The following ABHD18 variants were observed in gnomAD, a reference collection of about 807,000 sequenced individuals.
ABHD18 encodes the protein abhydrolase domain containing 18.
ABHD18 carries 55 observed loss-of-function variants against 65.9 expected under a neutral mutation model. The observed-to-expected ratio is 0.84, with a 90% CI of 0.67 to 1.05. The LOEUF is 1.05. Among genes scored for constraint, ABHD18 ranks in the 50% least tolerant of loss-of-function variants. ABHD18 has a pLI of 0.00. For missense variants in ABHD18, 533 were observed against 558.5 expected (o/e 0.95, Z 0.46); for synonymous variants, 181 against 180.2 (o/e 1.00, Z -0.04).
chr4:127,975,854 C>G (rs538539797), intron 1 of ABHD18, among the ~76,000 whole-genome samples: 196 of 152,084 alleles, frequency 1.3e-3, no homozygotes, highest in African/African-American at 4.6e-3. Flanking sequence ...GAGATGGAAT[C>G]TTGCTCTGTC....
At position 127,989,741 on chromosome 4, in the gene ABHD18, TA is replaced by T; in HGVS notation, c.200del (p.Lys67ArgfsTer3). 6.3e-7 allele frequency: 1 copy of T among 1,589,954 alleles called. No individual in the cohort carries two copies. Among genetic ancestry groups the T allele is most frequent in the African/African-American group, 1.3e-5 (1 of 74,530 alleles). On this transcript the variant is annotated frameshift_variant, in exon 4 of 13. Coordinates refer to ENST00000645843, the MANE Select transcript of ABHD18 (RefSeq NM_001358451.3). LOFTEE classifies it high-confidence loss of function. ...TTTAGATTGAAGAGCAATCAGATTG[TA>T]AGATCTTAGATGGACACTTTGTTTC... ...IDKIEEQSDC[K>X]ILDGHFVSPM...
At chr4:127,986,693 C>T (rs1750020910) in intron 3 of ABHD18, among the ~76,000 whole-genome samples, 1 of 152,126 alleles carries the variant, frequency 6.6e-6, no homozygotes, top group South Asian at 2.1e-4. Flanking sequence ...AGTGAATAAA[C>T]ATTCCAATTT....
At chr4:127,979,915 C>CAA (rs59944314) in intron 1 of ABHD18, among the ~76,000 whole-genome samples, 16,547 of 66,250 alleles carry the variant, frequency 0.25, 1,686 homozygotes, top group Middle Eastern at 0.35. Flanking sequence ...GACTCCATCT[C>CAA]AAAAAAAAAA....
At chr4:128,017,555 A>G in intron 8 of ABHD18, 54 bp downstream of exon 8, 1 of 1,469,012 alleles carries the variant, frequency 6.8e-7, no homozygotes, top group African/African-American at 1.4e-5. Context: ...TGTAAGATCT[A>G]GAGAACCTGG....
intron 1 of ABHD18, among the ~76,000 whole-genome samples, chr4:127,981,541 A>G (rs532252060): frequency 1.3e-5 from 2 of 152,326 alleles, no homozygotes; most frequent in Admixed American, 6.5e-5. Flanking sequence ...CAGTTAATAA[A>G]TATTTGTTGA....
rs1319185988 is a variant in ABHD18 at position 128,039,857 on chromosome 4, G to A, written c.*4044G>A. 6.6e-6 allele frequency: 1 copy of A among 152,038 alleles called. No individual in the cohort carries two copies. Among genetic ancestry groups the A allele is most frequent in the East Asian group, 1.9e-4 (1 of 5,192 alleles). The allele number at this position is 152,038 out of a possible 1,614,324, so 9.4% of individuals were successfully genotyped here. A position where few individuals can be genotyped will look rare whatever the true frequency, so the allele number is the denominator to read the frequency against. On this transcript the variant is annotated 3_prime_UTR_variant, in exon 13 of 13. Coordinates refer to ENST00000645843, the MANE Select transcript of ABHD18 (RefSeq NM_001358451.3). ...CAAGGTAAGACAGAAATAAGCAAGG[G>A]AGGCTCTAGCAGAACAGTATCAGTA...
At chr4:128,004,029 C>A (rs115645900) in intron 4 of ABHD18, among the ~76,000 whole-genome samples, 4,416 of 151,620 alleles carry the variant, frequency 0.029, 200 homozygotes, top group African/African-American at 0.1. Flanking sequence ...TAATACTTTA[C>A]CTAGTGATGA....
At position 128,021,226 on chromosome 4, in the gene ABHD18, T is replaced by C; in HGVS notation, c.789T>C (p.Leu263=). Residue 263 remains leucine, a synonymous_variant, in exon 10 of 13, where the codon CTT becomes CTC. Coordinates refer to ENST00000645843, the MANE Select transcript of ABHD18 (RefSeq NM_001358451.3). ...ATGAAGAAGAAATTATTCACATGCTTGAATACTGTGGAGTAAGTATTTCAC... is the reference window on the plus strand; with the variant it reads ...ATGAAGAAGAAATTATTCACATGCTCGAATACTGTGGAGTAAGTATTTCAC... ...TVYEEEIIHM[L]EYCGTDSFKM... The C allele has an allele frequency of 6.5e-7, 1 of 1,531,504 alleles. No homozygotes were observed. Among genetic ancestry groups the C allele is most frequent in the Non-Finnish European group, 8.9e-7 (1 of 1,129,632 alleles). The allele number at this position is 1,531,504 out of a possible 1,614,324, so 94.9% of individuals were successfully genotyped here.
chr4:127,981,492 G>A (rs1749042835), intron 1 of ABHD18, among the ~76,000 whole-genome samples: 1 of 151,882 alleles, frequency 6.6e-6, no homozygotes, highest in East Asian at 1.9e-4. Context: ...TGTCATTTTT[G>A]TGGCACAGGG....
rs1759104982 is a variant in ABHD18, at chr4:128,039,005, A to ATGG, written c.*3196_*3198dup. ...GATTTTTTAATCTATTCCCCCCAAA[A>ATGG]TGGTGGCTTAAGTGTTCTCAAATAC... On this transcript the variant is annotated 3_prime_UTR_variant, in exon 13 of 13. Coordinates refer to ENST00000645843, the MANE Select transcript of ABHD18 (RefSeq NM_001358451.3). 1 of 150,656 alleles carries ATGG rather than the reference A, an allele frequency of 6.6e-6. No individual in the cohort carries two copies. The highest frequency in any genetic ancestry group is 1.5e-5 in the Non-Finnish European group (1 of 67,796). The allele number at this position is 150,656 out of a possible 1,614,324, so 9.3% of individuals were successfully genotyped here. A position where few individuals can be genotyped will look rare whatever the true frequency, so the allele number is the denominator to read the frequency against.
intron 4 of ABHD18, among the ~76,000 whole-genome samples, chr4:128,000,365 A>T (rs1440897047): frequency 6.6e-6 from 1 of 152,152 alleles, no homozygotes. Flanking sequence ...TCCTAACACC[A>T]TTTATTGAAT....
intron 4 of ABHD18, among the ~76,000 whole-genome samples, chr4:128,003,238 C>T (rs1454743250): frequency 1.3e-5 from 2 of 151,544 alleles, no homozygotes; most frequent in African/African-American, 2.4e-5. Flanking sequence ...ATGGTGGCCG[C>T]GTGGCTGTAG....
intron 4 of ABHD18, 118 bp downstream of exon 4, chr4:127,989,939 G>A: frequency 1.8e-6 from 1 of 568,752 alleles, no homozygotes; most frequent in Non-Finnish European, 3.0e-6. Context: ...TATTGAAAAG[G>A]CTGAATTAGA....
chr4:128,030,733 C>G (rs916897713), intron 12 of ABHD18, 61 bp downstream of exon 12: 2 of 1,514,064 alleles, frequency 1.3e-6, no homozygotes, highest in African/African-American at 2.9e-5. Flanking sequence ...GGATTTTTTG[C>G]TTCAACAAAT....
chr4:127,983,068 A>C lies in ABHD18; in HGVS notation c.92+21A>C, dbSNP rs1314230418. The C allele has an allele frequency of 2.0e-6, 3 of 1,491,258 alleles. No homozygotes were observed. The Admixed American group carries it at 6.0e-5, about 30-fold the overall frequency. The allele number at this position is 1,491,258 out of a possible 1,614,324, so 92.4% of individuals were successfully genotyped here. A position where few individuals can be genotyped will look rare whatever the true frequency, so the allele number is the denominator to read the frequency against. ...AAAAGGCAAGCAATTTTTTTTCCTG[A>C]ATACTTGTTCTGAATTTGTTGTTTT... On this transcript the variant is annotated intron_variant, in intron 2 of 12. Coordinates refer to ENST00000645843, the MANE Select transcript of ABHD18 (RefSeq NM_001358451.3).
At chr4:128,019,609 T>G (rs1404302271) in intron 8 of ABHD18, among the ~76,000 whole-genome samples, 2 of 152,202 alleles carry the variant, frequency 1.3e-5, no homozygotes, top group Admixed American at 1.3e-4. Flanking sequence ...GGGAGAGTGA[T>G]TTTACCTTCT....
At chr4:128,012,730 T>G (rs752190521) in intron 7 of ABHD18, among the ~76,000 whole-genome samples, 9 of 151,468 alleles carry the variant, frequency 5.9e-5, no homozygotes, top group Non-Finnish European at 1.2e-4. Flanking sequence ...AAAAGCCCAA[T>G]GTAAGCGTCA....
chr4:127,991,522 C>G (rs1421138775), intron 4 of ABHD18, among the ~76,000 whole-genome samples: 1 of 152,158 alleles, frequency 6.6e-6, no homozygotes, highest in Non-Finnish European at 1.5e-5. Flanking sequence ...TGTGCCTGGC[C>G]TGATAATGGG....
At chr4:128,030,431 A>G (rs1446570325) in intron 11 of ABHD18, 79 bp from the exon 12 acceptor site, 1 of 986,144 alleles carries the variant, frequency 1.0e-6, no homozygotes, top group Non-Finnish European at 1.4e-6. Flanking sequence ...AGTTTGACGA[A>G]TGTTTTATTT....
Sources: gnomAD v4.1 joint callset for allele counts (sites outside exome capture counted in the v4.1 genomes callset) on GRCh38, gnomAD v4.1.1 for gene constraint, MANE v1.5 for transcripts, NCBI Gene and HGNC (gene_info 2026-07-23, HGNC 2026-07-21) for gene names.